The following KLHL7 variants were observed in gnomAD, a reference collection of about 807,000 sequenced individuals.
KLHL7 encodes the protein kelch-like protein 7.
A neutral mutation model predicts 67.4 loss-of-function variants in KLHL7; 44 were observed. The observed-to-expected ratio is 0.65, with a 90% CI of 0.51 to 0.84. KLHL7 has a LOEUF of 0.84. KLHL7 is among the 40% of genes least tolerant of loss of function. The probability of loss-of-function intolerance (pLI) is 0.00; values close to 1 mark genes in which losing one functional copy is unlikely to be tolerated. For synonymous variants in KLHL7, 252 were observed against 243.3 expected (o/e 1.04, Z -0.33); for missense variants, 362 against 718.1 (o/e 0.50, Z 5.67).
chr7:23,174,291 A>G lies in KLHL7; in HGVS notation c.1754A>G (p.Glu585Gly), dbSNP rs1785242135. ...TGTGGAGCAAATGAAGAGACCCTTG[A>G]AACATGAAAAATGAGTGGACTTCAG... ...DTCGANEETL[E>G]T Residue 585 changes from glutamate (E) to glycine (G), a missense_variant, in exon 11 of 11, where the codon GAA (glutamate) becomes GGA (glycine). By Grantham distance (98) the Glu-to-Gly change is moderately conservative. Around this residue, in one of 5 missense-constraint regions of KLHL7, gnomAD observed 136 missense variants for 252.7 expected, o/e 0.54. Transcript: ENST00000339077. 1 of 1,614,046 alleles carries G rather than the reference A, an allele frequency of 6.2e-7. No homozygotes were observed. The highest frequency in any genetic ancestry group is 1.7e-5 in the Admixed American group (1 of 60,010).
rs79642397 is a variant in KLHL7, at chr7:23,170,774, C to T, written c.1380-2174C>T. ...AAAAATATGTACATGTATTATGTATCACATTTTTAAAATCAGTTTTAAAAA... is the reference window on the plus strand; with the variant it reads ...AAAAATATGTACATGTATTATGTATTACATTTTTAAAATCAGTTTTAAAAA... On this transcript the variant is annotated intron_variant, in intron 9 of 10. Transcript: ENST00000339077. Among the ~76,000 whole-genome samples, 1,362 of 152,110 alleles carry T rather than the reference C, an allele frequency of 9.0e-3. 43 individuals carry two copies. The East Asian group carries it at 0.13, about 14-fold the overall frequency.
chr7:23,115,757 A>C (rs1043871487), intron 1 of KLHL7, among the ~76,000 whole-genome samples: 1 of 151,866 alleles, frequency 6.6e-6, no homozygotes, highest in East Asian at 1.9e-4. Flanking sequence ...GTTAGCCAGG[A>C]TGTCCTCGAT....
At chr7:23,135,668 G>A (rs1323178142) in intron 4 of KLHL7, among the ~76,000 whole-genome samples, 4 of 152,150 alleles carry the variant, frequency 2.6e-5, no homozygotes, top group Non-Finnish European at 5.9e-5. Flanking sequence ...TCATAACTGT[G>A]GCTATTTGTC....
intron 1 of KLHL7, among the ~76,000 whole-genome samples, chr7:23,118,137 A>T (rs1783175533): frequency 6.6e-6 from 1 of 152,238 alleles, no homozygotes; most frequent in Admixed American, 6.5e-5. Context: ...AGTAAACTTG[A>T]TAGAGAGCAA....
Position 23,158,136 on chromosome 7 carries a change from T to A in KLHL7, c.936+5927T>A, listed in dbSNP as rs139898974. Among the ~76,000 whole-genome samples, 292 of 152,210 alleles carry A rather than the reference T, an allele frequency of 1.9e-3. 3 individuals are homozygous for A. Among genetic ancestry groups the A allele is most frequent in the African/African-American group, 6.9e-3 (285 of 41,550 alleles). On this transcript the variant is annotated intron_variant, in intron 7 of 10. Coordinates refer to ENST00000339077, the MANE Select transcript of KLHL7 (RefSeq NM_001031710.3). ...CTTGCCACCACACCCCACTAATTTT[T>A]TTCATTTTTTGTAGCAACAGGGGTC...
intron 1 of KLHL7, among the ~76,000 whole-genome samples, chr7:23,122,330 C>G (rs1217181795): frequency 1.3e-5 from 2 of 151,970 alleles, no homozygotes; most frequent in Non-Finnish European, 2.9e-5. Context: ...GCTTTATCAT[C>G]TTTATTCTTC....
chr7:23,164,045 T>A (rs917330562), intron 7 of KLHL7, among the ~76,000 whole-genome samples: 1 of 152,088 alleles, frequency 6.6e-6, no homozygotes, highest in African/African-American at 2.4e-5. Context: ...GAGCAATAAA[T>A]AGCACTGCCT....
chr7:23,162,980 A>C lies in KLHL7; in HGVS notation c.937-2718A>C, dbSNP rs139831091. Among the ~76,000 whole-genome samples the C allele has an allele frequency of 1.4e-4, 22 of 152,302 alleles. No homozygotes were observed. The East Asian group carries it at 4.2e-3, about 29-fold the overall frequency. On this transcript the variant is annotated intron_variant, in intron 7 of 10. Coordinates refer to ENST00000339077, the MANE Select transcript of KLHL7 (RefSeq NM_001031710.3). ...TAAAGTTCTCAGGTATTAAAAATGA[A>C]AAGTATTTCATTTTGGATTGTGGTT... is the stretch of plus-strand genomic sequence containing the variant.
rs1453654555 is a variant in KLHL7 at position 23,175,771 on chromosome 7, G to A, written c.*1473G>A. 1.2e-5 allele frequency: 2 copies of A among 170,534 alleles called. No individual in the cohort carries two copies. Among genetic ancestry groups the A allele is most frequent in the Non-Finnish European group, 2.5e-5 (2 of 79,834 alleles). The allele number at this position is 170,534 out of a possible 1,614,324, so 10.6% of individuals were successfully genotyped here. Reference sequence around the variant, plus strand: ...AGGTCAGCAGTTCAAGACCACCCTGGCCAACATGATGAGACCCCGTCTCTA... The same window carrying A: ...AGGTCAGCAGTTCAAGACCACCCTGACCAACATGATGAGACCCCGTCTCTA... On this transcript the variant is annotated 3_prime_UTR_variant, in exon 11 of 11. Coordinates refer to ENST00000339077, the MANE Select transcript of KLHL7 (RefSeq NM_001031710.3).
At chr7:23,163,208 T>C (rs998868419) in intron 7 of KLHL7, among the ~76,000 whole-genome samples, 10 of 152,164 alleles carry the variant, frequency 6.6e-5, no homozygotes, top group African/African-American at 2.4e-4. Context: ...TTCGCTCTTG[T>C]TGCTCAGGCT....
intron 4 of KLHL7, among the ~76,000 whole-genome samples, chr7:23,132,741 C>T (rs1181862683): frequency 1.3e-5 from 2 of 152,156 alleles, no homozygotes; most frequent in African/African-American, 4.8e-5. Context: ...CTGGAGATTT[C>T]TCCCCAGTGT....
At chr7:23,136,493 A>G (rs1783980002) in intron 4 of KLHL7, among the ~76,000 whole-genome samples, 1 of 152,236 alleles carries the variant, frequency 6.6e-6, no homozygotes, top group Non-Finnish European at 1.5e-5. Context: ...AAGGATTTGA[A>G]TAACACAAAC....
chr7:23,135,060 A>G (rs1334310332), intron 4 of KLHL7, among the ~76,000 whole-genome samples: 1 of 152,134 alleles, frequency 6.6e-6, no homozygotes, highest in Non-Finnish European at 1.5e-5. Context: ...CTCTTGATGT[A>G]GGCACTTATA....
chr7:23,111,815 C>T (rs1352651279), intron 1 of KLHL7, among the ~76,000 whole-genome samples: 4 of 110,824 alleles, frequency 3.6e-5, no homozygotes, highest in South Asian at 5.4e-4. Context: ...AGTGAGACTC[C>T]GTCTCAAAAA....
At chr7:23,172,257 G>A (rs1376736244) in intron 9 of KLHL7, 1 of 441,966 alleles carries the variant, frequency 2.3e-6, no homozygotes, top group Non-Finnish European at 4.5e-6. Flanking sequence ...GTGTATATAT[G>A]CATAATGCTG....
chr7:23,148,819 G>T (rs1409982309), intron 6 of KLHL7, among the ~76,000 whole-genome samples: 1 of 152,176 alleles, frequency 6.6e-6, no homozygotes, highest in Non-Finnish European at 1.5e-5. Flanking sequence ...AGGATGCTTT[G>T]TTGTTTAGTT....
At chr7:23,131,212 A>T (rs1783786141) in intron 4 of KLHL7, among the ~76,000 whole-genome samples, 1 of 152,214 alleles carries the variant, frequency 6.6e-6, no homozygotes, top group African/African-American at 2.4e-5. Context: ...ACTGTCTTCC[A>T]TGGCATATTT....
intron 6 of KLHL7, among the ~76,000 whole-genome samples, chr7:23,145,893 G>A (rs886222840): frequency 6.6e-6 from 1 of 152,112 alleles, no homozygotes; most frequent in Admixed American, 6.5e-5. Flanking sequence ...ACTATGCCCA[G>A]CTAATTTTTG....
At chr7:23,156,090 TC>T (rs1784697942) in intron 7 of KLHL7, 2 of 412,288 alleles carry the variant, frequency 4.9e-6, no homozygotes, top group South Asian at 3.7e-5. Flanking sequence ...AATGAGTCAT[TC>T]CTAATTGCAC....
Sources: allele counts gnomAD v4.1 joint callset (sites outside exome capture counted in the v4.1 genomes callset), GRCh38; gene constraint gnomAD v4.1.1; regional missense constraint gnomAD v4.1.1; transcripts MANE v1.5; gene names NCBI Gene and HGNC (gene_info 2026-07-23, HGNC 2026-07-21).